The following LRRC8B variants were observed in gnomAD, a reference collection of about 807,000 sequenced individuals.
The protein encoded by LRRC8B is leucine rich repeat containing 8 VRAC subunit B.
In LRRC8B, 23 loss-of-function variants were observed where a neutral mutation model predicts 58.8. That is an observed-to-expected ratio of 0.39 (90% confidence interval 0.28 to 0.55). The LOEUF (loss-of-function observed/expected upper bound fraction) is 0.55, where lower values mean the gene tolerates loss of function less well. Among genes scored for constraint, LRRC8B ranks in the 20% least tolerant of loss-of-function variants. The pLI is 0.62. For synonymous variants in LRRC8B, 359 were observed against 374.1 expected, an observed-to-expected ratio of 0.96 and a Z score of 0.47; for missense variants, 694 against 936.0, an observed-to-expected ratio of 0.74 and a Z score of 3.37.
chr1:89,571,075 C>T (rs972706668), intron 3 of LRRC8B, among the ~76,000 whole-genome samples: 10 of 151,926 alleles, frequency 6.6e-5, no homozygotes, highest in South Asian at 2.1e-4. Context: ...TCTATGTGTC[C>T]GCTTTGTACC....
At chr1:89,537,122 A>G (rs1650592914) in intron 1 of LRRC8B, among the ~76,000 whole-genome samples, 1 of 152,152 alleles carries the variant, frequency 6.6e-6, no homozygotes, top group Non-Finnish European at 1.5e-5. Context: ...AAAGTCATTT[A>G]TTGCTTTTTC....
chr1:89,592,742 T>C, intron 5 of LRRC8B, 29 bp from the exon 6 acceptor site: 1 of 1,606,790 alleles, frequency 6.2e-7, no homozygotes, highest in Non-Finnish European at 8.5e-7. Context: ...AAACCTATTT[T>C]ACCAGCTTCT....
At chr1:89,581,090 G>A (rs1654189227) in intron 4 of LRRC8B, among the ~76,000 whole-genome samples, 1 of 151,964 alleles carries the variant, frequency 6.6e-6, no homozygotes. Context: ...AGGAGTTCGA[G>A]ACCAGCCTGG....
chr1:89,570,214 TATA>T (rs1344171296), intron 3 of LRRC8B, among the ~76,000 whole-genome samples: 11 of 152,342 alleles, frequency 7.2e-5, no homozygotes, highest in Non-Finnish European at 1.5e-4. Context: ...TAAAATGATT[TATA>T]TGCCTTTGGG....
intron 1 of LRRC8B, among the ~76,000 whole-genome samples, chr1:89,559,651 CAT>C (rs1174175853): frequency 5.4e-4 from 78 of 144,276 alleles, no homozygotes; most frequent in Non-Finnish European, 2.9e-4. Flanking sequence ...CACACACACA[CAT>C]ATATGTACAC....
At chr1:89,529,702 G>A (rs1649970208) in intron 1 of LRRC8B, among the ~76,000 whole-genome samples, 1 of 152,140 alleles carries the variant, frequency 6.6e-6, no homozygotes, top group African/African-American at 2.4e-5. Context: ...TCACCCAAGT[G>A]ACAGCAAAAT....
At chr1:89,588,505 A>G (rs1654780701) in intron 5 of LRRC8B, among the ~76,000 whole-genome samples, 1 of 152,228 alleles carries the variant, frequency 6.6e-6, no homozygotes, top group East Asian at 1.9e-4. Flanking sequence ...GAGGACTGAA[A>G]AAAACATAAC....
At position 89,592,839 on chromosome 1, in the gene LRRC8B, C is replaced by A; in HGVS notation, c.2208C>A (p.Ser736Arg). The A allele has an allele frequency of 6.2e-7, 1 of 1,613,962 alleles. No individual in the cohort carries two copies. Among genetic ancestry groups the A allele is most frequent in the Non-Finnish European group, 8.5e-7 (1 of 1,179,910 alleles). ...AGTGTTTACTTTTGGGGAAAAATAG[C>A]TTGATGAATTTGTCCCCTCATGTGG... The part of the protein sequence containing the change: ...KLQCLLLGKN[S>R]LMNLSPHVGE... The change falls in exon 6 of 6, where the codon AGC (serine) becomes AGA (arginine). Residue 736 changes from serine (S) to arginine (R), a missense_variant. By Grantham distance (110) the Ser-to-Arg change is moderately radical (BLOSUM62 -1). Around this residue, in one of 5 missense-constraint regions of LRRC8B, gnomAD observed 139 missense variants for 158.2 expected, o/e 0.88. Coordinates refer to ENST00000330947, the MANE Select transcript of LRRC8B (RefSeq NM_001369817.2).
chr1:89,584,030 A>G lies in LRRC8B; in HGVS notation c.1380A>G (p.Ser460=). Residue 460 remains serine, a synonymous_variant, in exon 5 of 6, where the codon TCA becomes TCG. Transcript: ENST00000330947. The stretch of plus-strand genomic sequence containing the variant: ...AGGTGAAGCTGCCCTCTGCAGTCTC[A>G]CAGCTGGTCAACCTCAAGGAGCTTC... The part of the protein sequence containing the change: ...IPEVKLPSAV[S]QLVNLKELRV... 1 of 1,614,176 alleles carries G rather than the reference A, an allele frequency of 6.2e-7. No individual in the cohort carries two copies. Among genetic ancestry groups the G allele is most frequent in the Non-Finnish European group, 8.5e-7 (1 of 1,180,030 alleles).
intron 1 of LRRC8B, among the ~76,000 whole-genome samples, chr1:89,539,671 G>A (rs947366168): frequency 1.6e-4 from 25 of 152,198 alleles, no homozygotes; most frequent in African/African-American, 5.5e-4. Context: ...CCATTGGAGG[G>A]AATCAAGCCA....
chr1:89,548,389 A>G (rs972501152), intron 1 of LRRC8B, among the ~76,000 whole-genome samples: 6 of 152,228 alleles, frequency 3.9e-5, no homozygotes, highest in African/African-American at 1.4e-4. Flanking sequence ...TAATGAATGC[A>G]AGTGGTCACT....
In LRRC8B at chr1:89,593,238, G is replaced by C. The variant is rs551745360; in HGVS notation, c.*195G>C. ...AAAACTACAAAAAAATTAGCCAGGC[G>C]TGGTGGCGTGCGCCTGTAATCCCAG... On this transcript the variant is annotated 3_prime_UTR_variant, in exon 6 of 6. Coordinates refer to ENST00000330947, the MANE Select transcript of LRRC8B (RefSeq NM_001369817.2). The C allele has an allele frequency of 5.5e-6, 3 of 544,504 alleles. No individual in the cohort carries two copies. The highest frequency in any genetic ancestry group is 6.3e-5 in the Admixed American group (2 of 31,650). 33.7% of individuals were successfully genotyped at this position (544,504 alleles called of 1,614,324 possible).
At position 89,596,542 on chromosome 1, in the gene LRRC8B, G is replaced by T. The variant is rs1189030303; in HGVS notation, c.*3499G>T. ...TTAAAATATTGCATAATATTGATGGGTTCAAAAACCATTAAAATAATCAAA... is the reference window on the plus strand; with the variant it reads ...TTAAAATATTGCATAATATTGATGGTTTCAAAAACCATTAAAATAATCAAA... On this transcript the variant is annotated 3_prime_UTR_variant, in exon 6 of 6. Transcript: ENST00000330947. The T allele has an allele frequency of 6.6e-6, 1 of 151,916 alleles. No individual in the cohort carries two copies. The highest frequency in any genetic ancestry group is 2.4e-5 in the African/African-American group (1 of 41,334). 9.4% of individuals were successfully genotyped at this position (151,916 alleles called of 1,614,324 possible). A position where few individuals can be genotyped will look rare whatever the true frequency, so the allele number is the denominator to read the frequency against.
Position 89,593,633 on chromosome 1 carries a change from A to C in LRRC8B, c.*590A>C, listed in dbSNP as rs1250643096. ...TGGACTGGGAGCTATGAAATGACTAAATTCCTCCTTGCAGTGTTTACCTTC... is the reference window on the plus strand; with the variant it reads ...TGGACTGGGAGCTATGAAATGACTACATTCCTCCTTGCAGTGTTTACCTTC... On this transcript the variant is annotated 3_prime_UTR_variant, in exon 6 of 6. Transcript: ENST00000330947. 1 of 152,254 alleles carries C rather than the reference A, an allele frequency of 6.6e-6. No individual in the cohort carries two copies. Among genetic ancestry groups the C allele is most frequent in the Non-Finnish European group, 1.5e-5 (1 of 68,156 alleles). 9.4% of individuals were successfully genotyped at this position (152,254 alleles called of 1,614,324 possible). A position where few individuals can be genotyped will look rare whatever the true frequency, so the allele number is the denominator to read the frequency against.
intron 1 of LRRC8B, among the ~76,000 whole-genome samples, chr1:89,557,834 T>C (rs1450844729): frequency 1.3e-5 from 2 of 152,204 alleles, no homozygotes; most frequent in Non-Finnish European, 2.9e-5. Context: ...AATTAGGAAA[T>C]TTATACTTAC....
intron 1 of LRRC8B, among the ~76,000 whole-genome samples, chr1:89,555,787 C>T (rs1652143592): frequency 6.6e-6 from 1 of 152,206 alleles, no homozygotes; most frequent in African/African-American, 2.4e-5. Context: ...CTATCTGGCA[C>T]TGTTTGAAAT....
chr1:89,541,503 A>C (rs1650970216), intron 1 of LRRC8B, among the ~76,000 whole-genome samples: 1 of 151,296 alleles, frequency 6.6e-6, no homozygotes. Context: ...CGAGGTCAGG[A>C]GATCGAGACC....
chr1:89,542,738 TTTATATAAGCAC>T (rs1163269962), intron 1 of LRRC8B, among the ~76,000 whole-genome samples: 1 of 152,240 alleles, frequency 6.6e-6, no homozygotes, highest in Non-Finnish European at 1.5e-5. Context: ...TTTTAAATAA[TTTATATAAGCAC>T]TTATAAAAAT....
intron 1 of LRRC8B, among the ~76,000 whole-genome samples, chr1:89,567,005 C>T (rs1653090204): frequency 6.6e-6 from 1 of 152,122 alleles, no homozygotes; most frequent in Admixed American, 6.5e-5. Flanking sequence ...TTGTGTCCTT[C>T]CTCTGGAGAG....
Sources: allele counts gnomAD v4.1 joint callset (sites outside exome capture counted in the v4.1 genomes callset), GRCh38; gene constraint gnomAD v4.1.1; regional missense constraint gnomAD v4.1.1; transcripts MANE v1.5; gene names NCBI Gene and HGNC (gene_info 2026-07-23, HGNC 2026-07-21).